Variants in TMEM38B observed in about 807,000 individuals in gnomAD.
TMEM38B encodes the protein trimeric intracellular cation channel type B.
Under a neutral mutation model 28.7 loss-of-function variants are expected in TMEM38B, and 24 were observed. The ratio of observed to expected loss-of-function variants is 0.84; its 90% CI spans 0.61 to 1.18. The LOEUF (loss-of-function observed/expected upper bound fraction) is 1.18, where lower values mean the gene tolerates loss of function less well. TMEM38B is among the 50% of genes most tolerant of loss of function. The pLI, the probability that TMEM38B is intolerant of heterozygous loss-of-function variation, is 0.00. For missense variants in TMEM38B, 380 were observed against 350.9 expected (o/e 1.08, Z -0.66); for synonymous variants, 131 against 127.7 (o/e 1.03, Z -0.17).
Position 105,721,528 on chromosome 9 carries a change from C to A in TMEM38B, c.270-9C>A, listed in dbSNP as rs528924879. 8.7e-5 allele frequency: 136 copies of A among 1,572,004 alleles called. No homozygotes were observed. In the South Asian group the frequency reaches 1.6e-3, roughly 18 times the overall value. On this transcript the variant is annotated splice_polypyrimidine_tract_variant and intron_variant, in intron 2 of 5. Coordinates refer to ENST00000374692, the MANE Select transcript of TMEM38B (RefSeq NM_018112.3). ...TTAATATATTAAAATGTTTACATTT[C>A]ATTTTCAGGTATATTACATTTTTTT... is the stretch of plus-strand genomic sequence containing the variant.
chr9:105,749,005 C>A, intron 5 of TMEM38B: 1 of 1,181,348 alleles, frequency 8.5e-7, no homozygotes, highest in Non-Finnish European at 1.1e-6. Context: ...AAAAGGAAAA[C>A]AGGATAGATT....
intron 4 of TMEM38B, among the ~76,000 whole-genome samples, chr9:105,732,139 CT>C (rs1299528700): frequency 6.6e-6 from 1 of 152,182 alleles, no homozygotes; most frequent in African/African-American, 2.4e-5. Flanking sequence ...CCTTCACCCA[CT>C]TTTCGATGGG....
intron 2 of TMEM38B, among the ~76,000 whole-genome samples, chr9:105,707,923 A>G (rs1835738844): frequency 6.6e-6 from 1 of 152,216 alleles, no homozygotes; most frequent in South Asian, 2.1e-4. Context: ...CAATATTTTT[A>G]AAAGTTATTA....
At chr9:105,762,383 A>G (rs1216747567) in intron 5 of TMEM38B, among the ~76,000 whole-genome samples, 1 of 147,326 alleles carries the variant, frequency 6.8e-6, no homozygotes, top group African/African-American at 2.5e-5. Flanking sequence ...CATTAGGTAT[A>G]TCTCCCAATG....
chr9:105,706,471 C>T (rs1424965603), intron 2 of TMEM38B, among the ~76,000 whole-genome samples: 1 of 152,154 alleles, frequency 6.6e-6, no homozygotes, highest in Non-Finnish European at 1.5e-5. Context: ...AAAGCTGGGC[C>T]TTGAATAAAG....
At chr9:105,696,328 C>G (rs1461987651) in intron 1 of TMEM38B, among the ~76,000 whole-genome samples, 2 of 152,100 alleles carry the variant, frequency 1.3e-5, no homozygotes, top group Non-Finnish European at 2.9e-5. Flanking sequence ...CTCTGTCGCC[C>G]AGGCTGAAGT....
At chr9:105,708,559 T>C (rs1835766066) in intron 2 of TMEM38B, among the ~76,000 whole-genome samples, 1 of 152,180 alleles carries the variant, frequency 6.6e-6, no homozygotes, top group African/African-American at 2.4e-5. Context: ...CCCTGCAAAA[T>C]ACTCGCTTTC....
chr9:105,773,024 A>ATTTGATCCCCAGAATTTC (rs2133658838), intron 5 of TMEM38B, among the ~76,000 whole-genome samples: 1 of 152,210 alleles, frequency 6.6e-6, no homozygotes, highest in East Asian at 1.9e-4. Context: ...TTCTTTGAAA[A>ATTTGATCCCCAGAATTTC]TTTGATCCCC....
At chr9:105,737,613 T>G (rs1837035218) in intron 4 of TMEM38B, among the ~76,000 whole-genome samples, 1 of 152,162 alleles carries the variant, frequency 6.6e-6, no homozygotes, top group Admixed American at 6.5e-5. Context: ...TCCAGTTCTG[T>G]GGAAGTAGGG....
chr9:105,758,392 C>T (rs932384364), intron 5 of TMEM38B: 14 of 1,317,276 alleles, frequency 1.1e-5, no homozygotes, highest in Non-Finnish European at 1.5e-5. Flanking sequence ...ATTACCACAT[C>T]TTTTCGAGCA....
chr9:105,754,963 A>G (rs538149688), intron 5 of TMEM38B, among the ~76,000 whole-genome samples: 8 of 152,330 alleles, frequency 5.3e-5, no homozygotes, highest in South Asian at 2.1e-4. Flanking sequence ...AACCATCTAT[A>G]TAGAGAATAC....
chr9:105,742,471 T>C (rs920317032), intron 4 of TMEM38B, among the ~76,000 whole-genome samples: 3 of 152,252 alleles, frequency 2.0e-5, no homozygotes, highest in Non-Finnish European at 2.9e-5. Flanking sequence ...TTAACTGTTA[T>C]TCAATGCTTA....
At chr9:105,703,547 C>A (rs1273704300) in intron 1 of TMEM38B, among the ~76,000 whole-genome samples, 2 of 152,182 alleles carry the variant, frequency 1.3e-5, no homozygotes, top group Non-Finnish European at 2.9e-5. Context: ...ATTTATAGTC[C>A]TTTGGGTATA....
intron 2 of TMEM38B, among the ~76,000 whole-genome samples, chr9:105,716,273 T>C (rs1172944974): frequency 6.6e-6 from 1 of 152,150 alleles, no homozygotes; most frequent in East Asian, 1.9e-4. Context: ...AGCTTAAAGC[T>C]CAGAGGGACT....
intron 1 of TMEM38B, among the ~76,000 whole-genome samples, chr9:105,702,316 G>A (rs1835488255): frequency 6.6e-6 from 1 of 152,110 alleles, no homozygotes; most frequent in African/African-American, 2.4e-5. Flanking sequence ...TAGAGTTGAA[G>A]TTTTAAGAAG....
At chr9:105,745,680 G>A (rs1289003367) in intron 4 of TMEM38B, among the ~76,000 whole-genome samples, 18 of 152,058 alleles carry the variant, frequency 1.2e-4, no homozygotes, top group Admixed American at 1.1e-3. Flanking sequence ...TGTCCTGAAT[G>A]GTATTGCCTA....
chr9:105,748,981 T>C (rs1038470317), intron 5 of TMEM38B: 12 of 1,048,382 alleles, frequency 1.1e-5, no homozygotes, highest in African/African-American at 3.4e-5. Context: ...TAAAAACTTA[T>C]CTACAGGATT....
chr9:105,745,196 CCCA>C (rs1403433285), intron 4 of TMEM38B, among the ~76,000 whole-genome samples: 5 of 152,322 alleles, frequency 3.3e-5, no homozygotes, highest in African/African-American at 1.2e-4. Context: ...AGTTTACAGT[CCCA>C]CCAACAGTGT....
At chr9:105,719,228 T>C (rs1434760730) in intron 2 of TMEM38B, among the ~76,000 whole-genome samples, 1 of 152,222 alleles carries the variant, frequency 6.6e-6, no homozygotes, top group African/African-American at 2.4e-5. Flanking sequence ...GAGACGTTTA[T>C]TCTTTCGTTA....
Sources: gnomAD v4.1 joint callset for allele counts (sites outside exome capture counted in the v4.1 genomes callset) on GRCh38, gnomAD v4.1.1 for gene constraint, MANE v1.5 for transcripts, NCBI Gene and HGNC (gene_info 2026-07-23, HGNC 2026-07-21) for gene names.